Variants in BBS9 observed in about 807,000 individuals in gnomAD.
The protein encoded by BBS9 is protein PTHB1.
BBS9 carries 89 observed loss-of-function variants against 117.7 expected under a neutral mutation model. That is an observed-to-expected ratio of 0.76 (90% CI 0.64 to 0.90). The LOEUF is 0.90. Among genes scored for constraint, BBS9 ranks in the 40% least tolerant of loss-of-function variants. BBS9 has a pLI of 0.00. For synonymous variants in BBS9, 379 were observed against 370.9 expected (o/e 1.02, Z -0.25); for missense variants, 982 against 1,042.2 (o/e 0.94, Z 0.80).
chr7:33,195,961 A>T (rs967429780), intron 5 of BBS9, among the ~76,000 whole-genome samples: 3 of 152,170 alleles, frequency 2.0e-5, no homozygotes, highest in African/African-American at 7.2e-5. Context: ...TAAAAGGTTC[A>T]GTATGTTTGG....
intron 9 of BBS9, among the ~76,000 whole-genome samples, chr7:33,283,500 A>T (rs1345307): frequency 0.83 from 125,845 of 151,998 alleles, 52,149 homozygotes; most frequent in Admixed American, 0.86. Flanking sequence ...ATTCTCATTT[A>T]AAAAATTTAT....
At position 33,202,585 on chromosome 7, in the gene BBS9, T is replaced by C. The variant is rs538852749; in HGVS notation, c.442+24994T>C. The stretch of plus-strand genomic sequence containing the variant: ...GGCCTCAGGAAACTTACAGTCATAG[T>C]TGAGGGTGAAGGGGAAGCAGGCACG... On this transcript the variant is annotated intron_variant, in intron 5 of 22. Transcript: ENST00000242067. 2.0e-5 allele frequency among the ~76,000 whole-genome samples: 3 copies of C among 152,042 alleles called. No homozygotes were observed. In the East Asian group the frequency reaches 5.8e-4, roughly 29 times the overall value.
chr7:33,559,830 T>C (rs1028812264), intron 21 of BBS9, among the ~76,000 whole-genome samples: 7 of 152,180 alleles, frequency 4.6e-5, no homozygotes, highest in African/African-American at 1.7e-4. Flanking sequence ...CCAGCAATTA[T>C]GCTGCCATCA....
chr7:33,502,199 G>A (rs1225816579), intron 19 of BBS9, among the ~76,000 whole-genome samples: 7 of 152,098 alleles, frequency 4.6e-5, no homozygotes, highest in African/African-American at 2.4e-5. Flanking sequence ...TGAGTCACAC[G>A]CCCAGCCTTC....
At chr7:33,604,399 A>C (rs1462008061) in intron 21 of BBS9, among the ~76,000 whole-genome samples, 3 of 152,174 alleles carry the variant, frequency 2.0e-5, no homozygotes, top group Non-Finnish European at 2.9e-5. Flanking sequence ...ATCAAATTCC[A>C]GAGAAATACC....
downstream of BBS9, among the ~76,000 whole-genome samples, chr7:33,607,048 C>T (rs1378938653): frequency 2.0e-5 from 3 of 152,084 alleles, no homozygotes; most frequent in Non-Finnish European, 4.4e-5. Context: ...AACTCTATGC[C>T]TCTCTACATA....
intron 15 of BBS9, among the ~76,000 whole-genome samples, chr7:33,355,468 A>G (rs1483810931): frequency 6.6e-6 from 1 of 151,958 alleles, no homozygotes; most frequent in African/African-American, 2.4e-5. Context: ...AAAGGATTTC[A>G]TAACTTTTTC....
At chr7:33,530,060 C>T (rs1009385678) in intron 20 of BBS9, among the ~76,000 whole-genome samples, 26 of 152,268 alleles carry the variant, frequency 1.7e-4, no homozygotes, top group African/African-American at 6.3e-4. Context: ...TTTCATATTT[C>T]CATAGGTAAG....
intron 7 of BBS9, among the ~76,000 whole-genome samples, chr7:33,272,457 A>C (rs1261757832): frequency 6.6e-6 from 1 of 152,174 alleles, no homozygotes; most frequent in Non-Finnish European, 1.5e-5. Context: ...ATTGTATGGA[A>C]GATGAATCCT....
chr7:33,363,987 C>T (rs1821163763), intron 16 of BBS9, among the ~76,000 whole-genome samples: 1 of 29,100 alleles, frequency 3.4e-5, no homozygotes, highest in Non-Finnish European at 6.9e-5. Flanking sequence ...CTCGCTCTGT[C>T]GCCCAGGCTG....
chr7:33,340,011 GT>G (rs963623094), intron 10 of BBS9, among the ~76,000 whole-genome samples: 4 of 151,210 alleles, frequency 2.6e-5, no homozygotes, highest in African/African-American at 9.7e-5. Flanking sequence ...ATTTAAAAAT[GT>G]TTTTTGTTTA....
intron 5 of BBS9, among the ~76,000 whole-genome samples, chr7:33,184,475 C>A (rs1040960725): frequency 6.6e-6 from 1 of 152,114 alleles, no homozygotes; most frequent in African/African-American, 2.4e-5. Context: ...GGCCTCTAAC[C>A]GCCTAAATCT....
chr7:33,223,057 AT>A (rs761828924), intron 5 of BBS9, among the ~76,000 whole-genome samples: 6 of 152,004 alleles, frequency 3.9e-5, no homozygotes, highest in African/African-American at 4.8e-5. Context: ...CCCTGATCTG[AT>A]CTTACTTCAG....
At chr7:33,522,209 C>G (rs967661445) in intron 20 of BBS9, among the ~76,000 whole-genome samples, 2 of 151,990 alleles carry the variant, frequency 1.3e-5, no homozygotes, top group Non-Finnish European at 2.9e-5. Context: ...GTAAACATAC[C>G]TGTGCATGTG....
intron 16 of BBS9, among the ~76,000 whole-genome samples, chr7:33,361,967 T>C (rs1290004986): frequency 1.3e-5 from 2 of 152,174 alleles, no homozygotes; most frequent in African/African-American, 2.4e-5. Context: ...TCTGTATTTA[T>C]CTGTGCAACC....
intron 21 of BBS9, among the ~76,000 whole-genome samples, chr7:33,567,242 T>C (rs1857056389): frequency 6.6e-6 from 1 of 152,178 alleles, no homozygotes; most frequent in Non-Finnish European, 1.5e-5. Flanking sequence ...ATATATAAAC[T>C]CATTTCTTCT....
chr7:33,584,913 T>C (rs977824), intron 21 of BBS9, among the ~76,000 whole-genome samples: 62,112 of 152,002 alleles, frequency 0.41, 17,672 homozygotes, highest in African/African-American at 0.81. Flanking sequence ...TTCTTTTAAT[T>C]ATTTTTCCTT....
At chr7:33,560,530 T>C (rs946502916) in intron 21 of BBS9, among the ~76,000 whole-genome samples, 8 of 152,158 alleles carry the variant, frequency 5.3e-5, no homozygotes, top group East Asian at 1.9e-4. Context: ...GCTTTGAGAA[T>C]TGCTTTTATC....
At chr7:33,633,655 A>T (rs1030555263) in intron 21 of BBS9, among the ~76,000 whole-genome samples, 2 of 152,104 alleles carry the variant, frequency 1.3e-5, no homozygotes, top group Non-Finnish European at 2.9e-5. Flanking sequence ...GATCTCTGGA[A>T]TAGCTTCCTT....
Sources: gnomAD v4.1 joint callset for allele counts (sites outside exome capture counted in the v4.1 genomes callset) on GRCh38, gnomAD v4.1.1 for gene constraint, MANE v1.5 for transcripts, NCBI Gene and HGNC (gene_info 2026-07-23, HGNC 2026-07-21) for gene names.